Variants in GNG7 observed in about 807,000 individuals in gnomAD.
GNG7 encodes the protein guanine nucleotide-binding protein G(I)/G(S)/G(O) subunit gamma-7.
GNG7 carries 1 observed loss-of-function variant against 4.0 expected under a neutral mutation model. The ratio of observed to expected loss-of-function variants is 0.25; its 90% CI spans 0.09 to 1.18. GNG7 has a LOEUF of 1.18. Among genes scored for constraint, GNG7 ranks in the 50% most tolerant of loss-of-function variants. The probability of loss-of-function intolerance (pLI) is 0.50; values close to 1 mark genes in which losing one functional copy is unlikely to be tolerated. For synonymous variants in GNG7, 34 were observed against 36.9 expected, an observed-to-expected ratio of 0.92 and a Z score of 0.29; for missense variants, 86 against 91.9, an observed-to-expected ratio of 0.94 and a Z score of 0.26.
At chr19:2,647,852 A>C (rs953770991) in intron 1 of GNG7, among the ~76,000 whole-genome samples, 2 of 151,874 alleles carry the variant, frequency 1.3e-5, no homozygotes, top group Non-Finnish European at 2.9e-5. Context: ...ACATGTTGAA[A>C]TCCTGTCTCT....
intron 4 of GNG7, among the ~76,000 whole-genome samples, chr19:2,519,111 T>C (rs546567683): frequency 6.6e-6 from 1 of 151,102 alleles, no homozygotes; most frequent in East Asian, 2.0e-4. Flanking sequence ...AATGTTTTTT[T>C]AGATGTTGCT....
At chr19:2,556,676 G>A (rs1979554768) in intron 2 of GNG7, among the ~76,000 whole-genome samples, 1 of 152,146 alleles carries the variant, frequency 6.6e-6, no homozygotes, top group Non-Finnish European at 1.5e-5. Flanking sequence ...TGGGGAGGCC[G>A]AGTCCCGGCT....
At chr19:2,608,193 G>T (rs1981450744) in intron 2 of GNG7, among the ~76,000 whole-genome samples, 1 of 152,012 alleles carries the variant, frequency 6.6e-6, no homozygotes, top group Non-Finnish European at 1.5e-5. Flanking sequence ...AAGTCAGAAC[G>T]ATTCACAGGT....
At chr19:2,565,524 A>C (rs1046734650) in intron 2 of GNG7, among the ~76,000 whole-genome samples, 5 of 82,830 alleles carry the variant, frequency 6.0e-5, no homozygotes, top group South Asian at 3.3e-4. Flanking sequence ...AAAAAAAAAA[A>C]CAAAAACAAA....
At chr19:2,696,230 G>A (rs1234454876) in intron 1 of GNG7, among the ~76,000 whole-genome samples, 1 of 145,462 alleles carries the variant, frequency 6.9e-6, no homozygotes, top group African/African-American at 2.5e-5. Flanking sequence ...AGGAGAGAGA[G>A]GAGAGAGAGA....
chr19:2,655,180 C>A (rs1982933321), intron 1 of GNG7, among the ~76,000 whole-genome samples: 1 of 138,828 alleles, frequency 7.2e-6, no homozygotes, highest in African/African-American at 2.9e-5. Flanking sequence ...CAGAGCAAGA[C>A]TCTGTCTCAA....
intron 2 of GNG7, among the ~76,000 whole-genome samples, chr19:2,636,517 G>A (rs1311392111): frequency 6.6e-6 from 1 of 152,160 alleles, no homozygotes; most frequent in Non-Finnish European, 1.5e-5. Context: ...CTCCAGGGAT[G>A]CTTTATGCCT....
chr19:2,600,718 C>T (rs982479582), intron 2 of GNG7, among the ~76,000 whole-genome samples: 3 of 151,726 alleles, frequency 2.0e-5, no homozygotes, highest in East Asian at 1.9e-4. Flanking sequence ...TCAGGTGATC[C>T]ACCCACCTTG....
intron 2 of GNG7, among the ~76,000 whole-genome samples, chr19:2,608,457 CCCCTG>C (rs1267914242): frequency 2.0e-5 from 3 of 152,318 alleles, no homozygotes; most frequent in African/African-American, 7.2e-5. Flanking sequence ...CGGTGCAGCT[CCCCTG>C]CACCCCCAAA....
intron 3 of GNG7, among the ~76,000 whole-genome samples, chr19:2,525,005 C>G (rs1978347572): frequency 6.6e-6 from 1 of 152,080 alleles, no homozygotes. Context: ...TCCCTAAGTC[C>G]CCGTCTCGGT....
At chr19:2,543,836 G>A (rs1393015789) in intron 3 of GNG7, among the ~76,000 whole-genome samples, 1 of 152,096 alleles carries the variant, frequency 6.6e-6, no homozygotes, top group African/African-American at 2.4e-5. Context: ...CCCGGGGGAA[G>A]GTGGCCTTGA....
intron 2 of GNG7, chr19:2,643,724 C>T (rs956131157): frequency 2.3e-6 from 1 of 439,198 alleles, no homozygotes; most frequent in African/African-American, 2.0e-5. Context: ...CAGTTACACA[C>T]CCTGCGATGC....
chr19:2,686,448 G>A (rs569589466), intron 1 of GNG7, among the ~76,000 whole-genome samples: 10 of 152,186 alleles, frequency 6.6e-5, no homozygotes, highest in African/African-American at 1.9e-4. Context: ...GTGAGCCACC[G>A]TACCCGGCCT....
rs567278674 is a variant in GNG7, at chr19:2,553,263, C to A, written c.-38+1886G>T. 2.0e-5 allele frequency among the ~76,000 whole-genome samples: 3 copies of A among 151,098 alleles called. No homozygotes were observed. The South Asian group carries it at 6.3e-4, about 32-fold the overall frequency. The stretch of plus-strand genomic sequence containing the variant: ...GCATTATGAACCAGTGTGTGACATC[C>A]AATTAGGTAATCTACACGAAATGGA... On this transcript the variant is annotated intron_variant, in intron 3 of 4. Coordinates refer to ENST00000382159, the MANE Select transcript of GNG7 (RefSeq NM_052847.3).
intron 2 of GNG7, among the ~76,000 whole-genome samples, chr19:2,612,512 C>T (rs1314229097): frequency 6.6e-6 from 1 of 152,030 alleles, no homozygotes; most frequent in Non-Finnish European, 1.5e-5. Flanking sequence ...CCAGGACCCC[C>T]CCCAGGCAGG....
At chr19:2,531,979 G>A (rs1295355562) in intron 3 of GNG7, among the ~76,000 whole-genome samples, 8 of 151,724 alleles carry the variant, frequency 5.3e-5, no homozygotes, top group East Asian at 1.9e-4. Context: ...GTGAAACCCC[G>A]TCTCTACTAA....
At chr19:2,650,762 C>T (rs1295726434) in intron 1 of GNG7, among the ~76,000 whole-genome samples, 2 of 152,224 alleles carry the variant, frequency 1.3e-5, no homozygotes, top group African/African-American at 2.4e-5. Flanking sequence ...TTCAGCGGCT[C>T]ACTCAGCCTG....
chr19:2,638,853 A>G (rs1341263055), intron 2 of GNG7, among the ~76,000 whole-genome samples: 1 of 152,224 alleles, frequency 6.6e-6, no homozygotes, highest in Non-Finnish European at 1.5e-5. Context: ...AAAACATGCA[A>G]TCGGAACAAA....
chr19:2,700,817 C>T (rs1231030765), intron 1 of GNG7: 1 of 152,124 alleles, frequency 6.6e-6, no homozygotes, highest in Non-Finnish European at 1.5e-5. Context: ...CAGAGGCCCC[C>T]GACACTCCAT....
Sources: allele counts gnomAD v4.1 joint callset (sites outside exome capture counted in the v4.1 genomes callset), GRCh38; gene constraint gnomAD v4.1.1; transcripts MANE v1.5; gene names NCBI Gene and HGNC (gene_info 2026-07-23, HGNC 2026-07-21).